DDIAS: variants seen among roughly 807,000 people sequenced by gnomAD.
DDIAS encodes the protein DNA damage induced apoptosis suppressor, also known as DNA damage-induced apoptosis suppressor protein.
DDIAS carries 14 observed loss-of-function variants against 15.7 expected under a neutral mutation model. The ratio of observed to expected loss-of-function variants is 0.89; its 90% CI spans 0.59 to 1.39. DDIAS has a LOEUF of 1.39. Among genes scored for constraint, DDIAS ranks in the 40% most tolerant of loss-of-function variants. DDIAS has a pLI of 0.00. For synonymous variants in DDIAS, 355 were observed against 395.9 expected, an observed-to-expected ratio of 0.90 and a Z score of 1.23; for missense variants, 1,035 against 1,130.9, an observed-to-expected ratio of 0.92 and a Z score of 1.22.
In DDIAS at chr11:82,932,011, G is replaced by T. The variant is rs1490609048; in HGVS notation, c.673G>T (p.Asp225Tyr). The part of the protein sequence containing the change: ...SSIYTSDSTS[D>Y]FFKSCSKDTF... ...CATATATACTTCTGACAGCACTTCTGATTTTTTCAAGTCCTGCAGCAAGGA... is the reference window on the plus strand; with the variant it reads ...CATATATACTTCTGACAGCACTTCTTATTTTTTCAAGTCCTGCAGCAAGGA... Residue 225 changes from aspartate (D) to tyrosine (Y), a missense_variant, in exon 6 of 6, where the codon GAT (aspartate) becomes TAT (tyrosine). Transcript: ENST00000533655. 7 of 1,614,138 alleles carry T rather than the reference G, an allele frequency of 4.3e-6. No homozygotes were observed. The highest frequency in any genetic ancestry group is 5.9e-6 in the Non-Finnish European group (7 of 1,180,024).
chr11:82,930,230 G>T lies in DDIAS; in HGVS notation c.349G>T (p.Val117Phe), dbSNP rs1474790433. ...AACTCAGAATCTATTAACTAAAGCA[G>T]TTGAAACTTGCTTTGTTGGACAAAG... Reference protein sequence around the residue: ...DTTQNLLTKAVETCFVGQSFI... With the variant: ...DTTQNLLTKAFETCFVGQSFI... Residue 117 changes from valine to phenylalanine, a missense_variant, in exon 5 of 6, where the codon GTT becomes TTT. Physicochemically the swap from Val to Phe is conservative, Grantham distance 50. Transcript: ENST00000533655. 8.1e-6 allele frequency: 13 copies of T among 1,602,566 alleles called. No individual in the cohort carries two copies. The highest frequency in any genetic ancestry group is 1.0e-5 in the Non-Finnish European group (12 of 1,173,408).
At chr11:82,914,526 A>T (rs185522399) in intron 2 of DDIAS, among the ~76,000 whole-genome samples, 197 bp from the exon 3 acceptor site, 50 of 152,352 alleles carry the variant, frequency 3.3e-4, no homozygotes, top group Non-Finnish European at 6.6e-4. Context: ...TCTGTTTTAA[A>T]TGTGATTTTC....
intron 3 of DDIAS, among the ~76,000 whole-genome samples, chr11:82,923,686 T>A (rs1354803288): frequency 2.0e-5 from 3 of 152,172 alleles, no homozygotes; most frequent in African/African-American, 7.2e-5. Context: ...GAGTAGTAGG[T>A]AAGACTCTAG....
chr11:82,925,790 C>T (rs973211085), intron 3 of DDIAS, among the ~76,000 whole-genome samples: 3 of 151,908 alleles, frequency 2.0e-5, no homozygotes, highest in African/African-American at 7.3e-5. Context: ...AGATCGAGAC[C>T]ATCCTGGCTA....
rs869173859 is a variant in DDIAS at position 82,910,606 on chromosome 11, CTTTTTTT to C, written c.-116-2660_-116-2654del. 9.9e-3 allele frequency among the ~76,000 whole-genome samples: 882 copies of C among 89,086 alleles called. 11 individuals are homozygous for C. The highest frequency in any genetic ancestry group is 0.043 in the African/African-American group (803 of 18,684). 58.4% of individuals were successfully genotyped at this position (89,086 alleles called of 152,430 possible). On this transcript the variant is annotated intron_variant, in intron 1 of 5. Coordinates refer to ENST00000533655, the MANE Select transcript of DDIAS (RefSeq NM_145018.4). Reference sequence around the variant, plus strand: ...CTTTTAATTTTTTCTCTCTCTCTCTCTTTTTTTTTTTTTTTTTTTTTTTTTTTGAGAA... The same window carrying C: ...CTTTTAATTTTTTCTCTCTCTCTCTCTTTTTTTTTTTTTTTTTTTTGAGAA...
In DDIAS at chr11:82,932,468, G is replaced by T. The variant is rs913541079; in HGVS notation, c.1130G>T (p.Gly377Val). The T allele has an allele frequency of 3.1e-6, 5 of 1,614,014 alleles. No individual in the cohort carries two copies. The highest frequency in any genetic ancestry group is 1.3e-5 in the African/African-American group (1 of 74,896). The change falls in exon 6 of 6, where the codon GGT (glycine) becomes GTT (valine). Residue 377 changes from glycine to valine, a missense_variant. By Grantham distance (109) the Gly-to-Val change is moderately radical. Transcript: ENST00000533655. ...QHELPCFQHH[G>V]IDTPTSLQKR... ...GAGCTACCATGTTTTCAGCATCATG[G>T]TATAGATACCCCAACTAGCCTTCAG...
chr11:82,914,368 G>C (rs1266815108), intron 2 of DDIAS, among the ~76,000 whole-genome samples: 2 of 152,194 alleles, frequency 1.3e-5, no homozygotes, highest in African/African-American at 4.8e-5. Flanking sequence ...GATTCAAGAT[G>C]CTCAACCGGT....
chr11:82,907,844 T>C (rs1860461698), intron 1 of DDIAS, among the ~76,000 whole-genome samples: 1 of 152,206 alleles, frequency 6.6e-6, no homozygotes, highest in South Asian at 2.1e-4. Flanking sequence ...CCTGGCCCCA[T>C]TCAATAAATA....
rs772284947 is a variant in DDIAS, at chr11:82,930,157, G to A, written c.276G>A (p.Arg92=). Residue 92 remains arginine, a splice_region_variant and synonymous_variant, in exon 5 of 6, where the codon AGG becomes AGA. Transcript: ENST00000533655. ...ATTTTTTACTTTTTTTCCAATCAAG[G>A]TACATTCAGGATCCTAATAAAATTC... ...FFGLTATGLH[R]YIQDPNKIPE... is the part of the protein sequence containing the mutation. 1 of 1,523,694 alleles carries A rather than the reference G, an allele frequency of 6.6e-7. No homozygotes were observed. 94.4% of individuals were successfully genotyped at this position (1,523,694 alleles called of 1,614,324 possible).
At chr11:82,910,595 T>A (rs1860512010) in intron 1 of DDIAS, among the ~76,000 whole-genome samples, 1 of 126,874 alleles carries the variant, frequency 7.9e-6, no homozygotes. Flanking sequence ...TAATTTTTTC[T>A]CTCTCTCTCT....
At chr11:82,931,070 C>T (rs1225190975) in intron 5 of DDIAS, among the ~76,000 whole-genome samples, 1 of 152,068 alleles carries the variant, frequency 6.6e-6, no homozygotes, top group African/African-American at 2.4e-5. Context: ...ATTTTCTAAG[C>T]ACTGTGCAGT....
chr11:82,931,054 A>T (rs1005166860), intron 5 of DDIAS, among the ~76,000 whole-genome samples: 1 of 151,540 alleles, frequency 6.6e-6, no homozygotes, highest in Non-Finnish European at 1.5e-5. Context: ...TTATTGAGCC[A>T]CTGCTATTTT....
intron 3 of DDIAS, chr11:82,922,659 G>A (rs147618149): frequency 6.6e-6 from 1 of 152,142 alleles, no homozygotes; most frequent in Non-Finnish European, 1.5e-5. Flanking sequence ...CTTTTCTCTG[G>A]TGCCTCGCTG....
At chr11:82,909,903 T>A (rs1860493756) in intron 1 of DDIAS, among the ~76,000 whole-genome samples, 1 of 152,242 alleles carries the variant, frequency 6.6e-6, no homozygotes, top group Non-Finnish European at 1.5e-5. Flanking sequence ...AATTTCCATC[T>A]TATTACCTTG....
chr11:82,917,044 A>G (rs1280223899), intron 3 of DDIAS, among the ~76,000 whole-genome samples: 2 of 152,230 alleles, frequency 1.3e-5, no homozygotes, highest in Admixed American at 6.5e-5. Flanking sequence ...CCCATGGCAC[A>G]TAGTCCTTGC....
intron 3 of DDIAS, among the ~76,000 whole-genome samples, chr11:82,919,494 G>A (rs1860700066): frequency 6.6e-6 from 1 of 152,178 alleles, no homozygotes; most frequent in African/African-American, 2.4e-5. Context: ...GTTGGATTCA[G>A]TTAGCTAGTA....
At chr11:82,927,074 C>A (rs2121357240) in intron 3 of DDIAS, among the ~76,000 whole-genome samples, 1 of 152,218 alleles carries the variant, frequency 6.6e-6, no homozygotes, top group East Asian at 1.9e-4. Flanking sequence ...GATAAAAATT[C>A]AAACTAATTT....
At position 82,929,654 on chromosome 11, in the gene DDIAS, A is replaced by G. The variant is rs569446216; in HGVS notation, c.276-503A>G. 5.3e-5 allele frequency among the ~76,000 whole-genome samples: 8 copies of G among 150,794 alleles called. No individual in the cohort carries two copies. In the South Asian group the frequency reaches 1.1e-3, roughly 20 times the overall value. ...AGGAGGCAGAGCTTGTAGTGAGCCA[A>G]GATTGCACCACTGCACTCCAGCCTG... On this transcript the variant is annotated intron_variant, in intron 4 of 5. Transcript: ENST00000533655.
At chr11:82,918,983 A>G (rs909333759) in intron 3 of DDIAS, among the ~76,000 whole-genome samples, 10 of 152,196 alleles carry the variant, frequency 6.6e-5, no homozygotes, top group African/African-American at 2.2e-4. Context: ...TATCAGTTCT[A>G]GCAGCTTTCT....
Sources: allele counts gnomAD v4.1 joint callset (sites outside exome capture counted in the v4.1 genomes callset), GRCh38; gene constraint gnomAD v4.1.1; transcripts MANE v1.5; gene names NCBI Gene and HGNC (gene_info 2026-07-23, HGNC 2026-07-21).